CPSF3: variants seen among roughly 807,000 people sequenced by gnomAD.
CPSF3 encodes the protein cleavage and polyadenylation specific factor 3.
CPSF3 carries 57 observed loss-of-function variants against 84.1 expected under a neutral mutation model. That is an observed-to-expected ratio of 0.68 (90% CI 0.55 to 0.85). The LOEUF (loss-of-function observed/expected upper bound fraction) is 0.85, where lower values mean the gene tolerates loss of function less well. Among genes scored for constraint, CPSF3 ranks in the 40% least tolerant of loss-of-function variants. The probability of loss-of-function intolerance (pLI) is 0.00; values close to 1 mark genes in which losing one functional copy is unlikely to be tolerated. For synonymous variants in CPSF3, 275 were observed against 278.1 expected (o/e 0.99, Z 0.11); for missense variants, 522 against 838.8 (o/e 0.62, Z 4.66).
Position 9,471,332 on chromosome 2 carries a change from C to T in CPSF3, c.1857-11C>T, listed in dbSNP as rs775111161. 6.5e-7 allele frequency: 1 copy of T among 1,549,318 alleles called. No individual in the cohort carries two copies. ...CATTTTCACTAATCCTGCATTTCTG[C>T]TTATTTTCAGGGACATATTTGGAGA... On this transcript the variant is annotated splice_polypyrimidine_tract_variant and intron_variant, in intron 16 of 17. Coordinates refer to ENST00000238112, the MANE Select transcript of CPSF3 (RefSeq NM_016207.4).
At chr2:9,445,657 C>A (rs770908384) in intron 10 of CPSF3, among the ~76,000 whole-genome samples, 1 of 152,094 alleles carries the variant, frequency 6.6e-6, no homozygotes, top group Non-Finnish European at 1.5e-5. Flanking sequence ...CATGAACACT[C>A]CCCCAGATTT....
rs564496026 is a variant in CPSF3 at position 9,425,969 on chromosome 2, G to A, written c.50+2146G>A. Among the ~76,000 whole-genome samples the A allele has an allele frequency of 4.4e-4, 67 of 152,260 alleles. 1 individual carries two copies. The highest frequency in any genetic ancestry group is 1.6e-3 in the African/African-American group (66 of 41,552). ...AATCTACTTCTTTATAGATTTGCCT[G>A]TTCTGGACATTTCATGTAAGTGTGA... On this transcript the variant is annotated intron_variant, in intron 1 of 17. Coordinates refer to ENST00000238112, the MANE Select transcript of CPSF3 (RefSeq NM_016207.4).
intron 9 of CPSF3, among the ~76,000 whole-genome samples, chr2:9,442,750 G>A (rs1013605723): frequency 3.9e-5 from 6 of 152,088 alleles, no homozygotes; most frequent in African/African-American, 1.4e-4. Context: ...TACTCGGGAG[G>A]CTGAGGCAGG....
chr2:9,455,988 G>T (rs1558461384), intron 13 of CPSF3, among the ~76,000 whole-genome samples: 1 of 151,966 alleles, frequency 6.6e-6, no homozygotes, highest in Admixed American at 6.6e-5. Flanking sequence ...AATTAAAAAA[G>T]AAAATATACT....
At chr2:9,448,123 A>G in intron 10 of CPSF3, 75 bp from the exon 11 acceptor site, 1 of 756,300 alleles carries the variant, frequency 1.3e-6, no homozygotes, top group Non-Finnish European at 2.0e-6. Flanking sequence ...TATTTCATAT[A>G]TTTAATTCAA....
At chr2:9,446,319 G>T (rs1187523925) in intron 10 of CPSF3, among the ~76,000 whole-genome samples, 1 of 152,216 alleles carries the variant, frequency 6.6e-6, no homozygotes, top group African/African-American at 2.4e-5. Context: ...GGTGGCTCAT[G>T]CCTGTAATCC....
chr2:9,424,089 C>A, intron 1 of CPSF3: 1 of 1,218,958 alleles, frequency 8.2e-7, no homozygotes, highest in Non-Finnish European at 1.0e-6. Flanking sequence ...TTTTACGGGG[C>A]CACCGCTCGC....
chr2:9,456,425 T>A (rs1249882570), intron 13 of CPSF3, among the ~76,000 whole-genome samples: 3 of 152,256 alleles, frequency 2.0e-5, no homozygotes, highest in Non-Finnish European at 4.4e-5. Context: ...ATCTTTTTTT[T>A]AAACCTTGGA....
At chr2:9,439,345 C>T (rs1426002720) in intron 7 of CPSF3, among the ~76,000 whole-genome samples, 1 of 151,932 alleles carries the variant, frequency 6.6e-6, no homozygotes, top group Non-Finnish European at 1.5e-5. Flanking sequence ...TGGTGGCCAG[C>T]GCCTGTAGTC....
intron 13 of CPSF3, 70 bp downstream of exon 13, chr2:9,455,827 AG>A: frequency 9.2e-7 from 1 of 1,089,270 alleles, no homozygotes. Context: ...TATCTAGAAA[AG>A]AATGTTACTT....
In CPSF3 at chr2:9,436,316, C is replaced by CCTGT; in HGVS notation, c.718_721dup (p.Phe241CysfsTer16). ...AAACAGAGGAGGCAGGGGTCTCATT[C>CCTGT]CTGTCTTTGCTCTTGGAAGGGCTCA... is the stretch of plus-strand genomic sequence containing the variant. On this transcript the variant is annotated frameshift_variant, in exon 7 of 18. Coordinates refer to ENST00000238112, the MANE Select transcript of CPSF3 (RefSeq NM_016207.4). LOFTEE classifies it high-confidence loss of function. 6.2e-7 allele frequency: 1 copy of CCTGT among 1,613,926 alleles called. No individual in the cohort carries two copies. Among genetic ancestry groups the CCTGT allele is most frequent in the Admixed American group, 1.7e-5 (1 of 59,990 alleles).
intron 15 of CPSF3, among the ~76,000 whole-genome samples, chr2:9,459,934 C>T (rs1356962685): frequency 6.6e-6 from 1 of 152,014 alleles, no homozygotes; most frequent in Non-Finnish European, 1.5e-5. Context: ...AAGTGTGAGC[C>T]ACTGCGCCCA....
intron 5 of CPSF3, 50 bp from the exon 6 acceptor site, chr2:9,433,821 A>G (rs1572770977): frequency 7.6e-7 from 1 of 1,311,542 alleles, no homozygotes; most frequent in East Asian, 2.3e-5. Flanking sequence ...TTCACTAGCA[A>G]AATGAAGCCT....
At chr2:9,431,220 C>G (rs952431497) in intron 4 of CPSF3, among the ~76,000 whole-genome samples, 1 of 152,192 alleles carries the variant, frequency 6.6e-6, no homozygotes, top group African/African-American at 2.4e-5. Context: ...CCACACCCAG[C>G]AGAGTTTTTT....
At chr2:9,463,219 T>C (rs1395028639) in intron 15 of CPSF3, among the ~76,000 whole-genome samples, 1 of 152,224 alleles carries the variant, frequency 6.6e-6, no homozygotes, top group Non-Finnish European at 1.5e-5. Context: ...AAAATGAGGC[T>C]ATGCTGCAGA....
intron 15 of CPSF3, among the ~76,000 whole-genome samples, chr2:9,465,115 CGTAGA>C (rs1553348283): frequency 6.6e-6 from 1 of 151,888 alleles, no homozygotes; most frequent in Non-Finnish European, 1.5e-5. Context: ...GAGTCTTTTC[CGTAGA>C]GTAGATTGAA....
chr2:9,430,948 C>T, intron 4 of CPSF3, 68 bp downstream of exon 4: 1 of 1,234,046 alleles, frequency 8.1e-7, no homozygotes, highest in South Asian at 1.4e-5. Flanking sequence ...AGATATGGAC[C>T]ATTTTGTGTT....
chr2:9,439,957 C>T (rs142182917), intron 7 of CPSF3, among the ~76,000 whole-genome samples: 3 of 152,234 alleles, frequency 2.0e-5, no homozygotes, highest in Admixed American at 6.5e-5. Flanking sequence ...CAAGGCTAGT[C>T]GACAGCCTGG....
At position 9,452,824 on chromosome 2, in the gene CPSF3, A is replaced by G. The variant is rs1681379005; in HGVS notation, c.1396-89A>G. 6.5e-6 allele frequency: 5 copies of G among 767,144 alleles called. No homozygotes were observed. The East Asian group carries it at 7.8e-5, about 12-fold the overall frequency. The allele number at this position is 767,144 out of a possible 1,614,324, so 47.5% of individuals were successfully genotyped here. Reference sequence around the variant, plus strand: ...GTTGTTTTCATAGTTCAAAGGTGTTATGGTCTTCATTATGATGAACTGCAT... The same window carrying G: ...GTTGTTTTCATAGTTCAAAGGTGTTGTGGTCTTCATTATGATGAACTGCAT... On this transcript the variant is annotated intron_variant, in intron 11 of 17. Transcript: ENST00000238112.
Sources: allele counts gnomAD v4.1 joint callset (sites outside exome capture counted in the v4.1 genomes callset), GRCh38; gene constraint gnomAD v4.1.1; transcripts MANE v1.5; gene names NCBI Gene and HGNC (gene_info 2026-07-23, HGNC 2026-07-21).